COL6A6: variants seen among roughly 807,000 people sequenced by gnomAD.
COL6A6 encodes the protein collagen type VI alpha 6 chain.
COL6A6 carries 183 observed loss-of-function variants against 208.6 expected under a neutral mutation model. That is an observed-to-expected ratio of 0.88 (90% confidence interval 0.78 to 0.99). The LOEUF (loss-of-function observed/expected upper bound fraction) is 0.99. COL6A6 is among the 50% of genes least tolerant of loss of function. The probability of loss-of-function intolerance (pLI) is 0.00; values close to 1 mark genes in which losing one functional copy is unlikely to be tolerated. For missense variants in COL6A6, 2,816 were observed against 2,815.2 expected, an observed-to-expected ratio of 1.00 and a Z score of -0.01; for synonymous variants, 973 against 1,011.8, an observed-to-expected ratio of 0.96 and a Z score of 0.73.
chr3:130,551,589 AT>A (rs1244789507), intron 1 of COL6A6, among the ~76,000 whole-genome samples: 1 of 128,518 alleles, frequency 7.8e-6, no homozygotes, highest in Non-Finnish European at 1.7e-5. Flanking sequence ...TCTCTTATTA[AT>A]TTTTTTCAAA....
chr3:130,583,837 G>T (rs2063477151), intron 10 of COL6A6, among the ~76,000 whole-genome samples: 1 of 152,026 alleles, frequency 6.6e-6, no homozygotes, highest in South Asian at 2.1e-4. Context: ...TCTCTCGCTG[G>T]CTTCCCATAC....
At chr3:130,532,165 C>T (rs2062112604) in intron 1 of COL6A6, among the ~76,000 whole-genome samples, 1 of 152,056 alleles carries the variant, frequency 6.6e-6, no homozygotes, top group Admixed American at 6.6e-5. Flanking sequence ...ATGCAATTTC[C>T]CTAGTTATTG....
At chr3:130,609,644 C>CA (rs2064294281) in intron 22 of COL6A6, among the ~76,000 whole-genome samples, 1 of 150,342 alleles carries the variant, frequency 6.7e-6, no homozygotes, top group Non-Finnish European at 1.5e-5. Flanking sequence ...AAAGTTAGAA[C>CA]TTTTTTTTTT....
chr3:130,517,475 CCGGCCAGAATAGAGGA>C (rs886423704), intron 1 of COL6A6, among the ~76,000 whole-genome samples, 78 bp downstream of exon 1: 6 of 152,228 alleles, frequency 3.9e-5, no homozygotes, highest in African/African-American at 1.4e-4. Flanking sequence ...ATGGGAGGGA[CCGGCCAGAATAGAGGA>C]GGCTGCATGA....
In COL6A6 at chr3:130,567,171, A is replaced by G; in HGVS notation, c.1752A>G (p.Ala584=). ...ACCAAACACAGCTGAGAGAAATTGC[A>G]GGAGAGGAAAAGAGAGTGTATTACG... ...EANQTQLREI[A]GEEKRVYYVH... is the part of the protein sequence containing the mutation. Residue 584 remains alanine, a synonymous_variant, in exon 5 of 37, where the codon GCA becomes GCG. Transcript: ENST00000358511. 1 of 1,613,826 alleles carries G rather than the reference A, an allele frequency of 6.2e-7. No individual in the cohort carries two copies. Among genetic ancestry groups the G allele is most frequent in the Non-Finnish European group, 8.5e-7 (1 of 1,179,864 alleles).
intron 36 of COL6A6, among the ~76,000 whole-genome samples, chr3:130,669,398 A>AAT (rs1278828480): frequency 2.6e-5 from 4 of 151,700 alleles, no homozygotes; most frequent in South Asian, 4.1e-4. Flanking sequence ...GTCTCAAAAA[A>AAT]ATATATATAT....
At chr3:130,578,987 C>T (rs1015085695) in intron 8 of COL6A6, among the ~76,000 whole-genome samples, 2 of 152,214 alleles carry the variant, frequency 1.3e-5, no homozygotes, top group Non-Finnish European at 2.9e-5. Flanking sequence ...GGTATATAAA[C>T]TGAGTCTCTA....
At chr3:130,611,376 G>C (rs2064354568) in intron 23 of COL6A6, among the ~76,000 whole-genome samples, 1 of 152,188 alleles carries the variant, frequency 6.6e-6, no homozygotes, top group Non-Finnish European at 1.5e-5. Flanking sequence ...TGCTGATCCA[G>C]ACCACATTTT....
intron 1 of COL6A6, among the ~76,000 whole-genome samples, chr3:130,546,909 T>C (rs1430571903): frequency 3.8e-5 from 2 of 52,408 alleles, no homozygotes; most frequent in African/African-American, 9.9e-5. Context: ...AACCTTATGC[T>C]AGACAGAGTG....
chr3:130,675,059 C>T, intron 36 of COL6A6, 143 bp from the exon 37 acceptor site: 2 of 533,986 alleles, frequency 3.7e-6, no homozygotes, highest in Non-Finnish European at 6.5e-6. Context: ...GTTTAAGTAC[C>T]CAGTTTAATT....
chr3:130,560,990 C>A (rs536453324), intron 2 of COL6A6, among the ~76,000 whole-genome samples: 1 of 152,242 alleles, frequency 6.6e-6, no homozygotes, highest in Non-Finnish European at 1.5e-5. Flanking sequence ...TTGGCTTTTA[C>A]AACTTCCTCG....
At chr3:130,598,476 T>C (rs771543757) in intron 19 of COL6A6, 46 bp downstream of exon 19, 12 of 1,289,144 alleles carry the variant, frequency 9.3e-6, no homozygotes, top group Non-Finnish European at 2.2e-6. Flanking sequence ...ACTGTGGGGC[T>C]TAAGTTCTTG....
chr3:130,563,473 A>G lies in COL6A6; in HGVS notation c.470A>G (p.Asp157Gly), dbSNP rs768742828. 2.5e-6 allele frequency: 4 copies of G among 1,614,030 alleles called. No individual in the cohort carries two copies. In the South Asian group the frequency reaches 4.4e-5, roughly 18 times the overall value. Residue 157 changes from aspartate (D) to glycine (G), a missense_variant, in exon 3 of 37, where the codon GAC becomes GGC. Transcript: ENST00000358511. Reference protein sequence around the residue: ...VEEASKALRKDGVKIISVGVQ... With the variant: ...VEEASKALRKGGVKIISVGVQ... Reference sequence around the variant, plus strand: ...GAGGCATCAAAGGCCCTGCGGAAAGACGGAGTGAAAATCATCTCTGTAGGG... The same window carrying G: ...GAGGCATCAAAGGCCCTGCGGAAAGGCGGAGTGAAAATCATCTCTGTAGGG...
intron 28 of COL6A6, among the ~76,000 whole-genome samples, chr3:130,638,511 C>CCTCT (rs1173746353): frequency 1.9e-4 from 29 of 152,204 alleles, no homozygotes; most frequent in Non-Finnish European, 3.4e-4. Flanking sequence ...CTTCCCTTTG[C>CCTCT]CTCTCTTCTG....
intron 33 of COL6A6, among the ~76,000 whole-genome samples, chr3:130,656,139 TCTCTCTCCTCTC>T (rs1184959330): frequency 3.3e-5 from 5 of 152,144 alleles, no homozygotes; most frequent in Non-Finnish European, 5.9e-5. Flanking sequence ...CTGCAGCTCT[TCTCTCTCCTCTC>T]CTCTCTCCTC....
At chr3:130,616,288 G>A (rs2064519130) in intron 23 of COL6A6, among the ~76,000 whole-genome samples, 1 of 152,030 alleles carries the variant, frequency 6.6e-6, no homozygotes, top group African/African-American at 2.4e-5. Flanking sequence ...GTAATTTCAG[G>A]ATTTGAAGTT....
chr3:130,548,399 G>A (rs1011108110), intron 1 of COL6A6, among the ~76,000 whole-genome samples: 12 of 152,184 alleles, frequency 7.9e-5, no homozygotes, highest in Admixed American at 5.2e-4. Context: ...TCCCACCTTG[G>A]TGAGACTGGA....
chr3:130,563,107 C>T lies in COL6A6; in HGVS notation c.104C>T (p.Ser35Phe). ...GATGTTGTGTTTTTGGTGGACAGCT[C>T]TGATCGCCTGGGATCCAAGTCCTTC... ...YADVVFLVDS[S>F]DRLGSKSFPF... Residue 35 changes from serine (S) to phenylalanine (F), a missense_variant, in exon 3 of 37, where the codon TCT (serine) becomes TTT (phenylalanine). By Grantham distance (155) the Ser-to-Phe change is radical (BLOSUM62 -2). Coordinates refer to ENST00000358511, the MANE Select transcript of COL6A6 (RefSeq NM_001102608.3). 2 of 1,613,874 alleles carry T rather than the reference C, an allele frequency of 1.2e-6. No individual in the cohort carries two copies. Among genetic ancestry groups the T allele is most frequent in the Non-Finnish European group, 1.7e-6 (2 of 1,179,816 alleles).
chr3:130,520,347 A>G (rs951734380), intron 1 of COL6A6, among the ~76,000 whole-genome samples: 4 of 152,224 alleles, frequency 2.6e-5, no homozygotes, highest in African/African-American at 7.2e-5. Context: ...AATAGTGACT[A>G]AAGGCCGACC....
Sources: gnomAD v4.1 joint callset for allele counts (sites outside exome capture counted in the v4.1 genomes callset) on GRCh38, gnomAD v4.1.1 for gene constraint, MANE v1.5 for transcripts, NCBI Gene and HGNC (gene_info 2026-07-23, HGNC 2026-07-21) for gene names.